Variants in TRIOBP observed in about 807,000 individuals in gnomAD.
The protein encoded by TRIOBP is TRIO and F-actin binding protein.
In TRIOBP, 169 loss-of-function variants were observed where a neutral mutation model predicts 238.8. The observed-to-expected ratio is 0.71, with a 90% CI of 0.62 to 0.80. The LOEUF (loss-of-function observed/expected upper bound fraction) is 0.80. TRIOBP is among the 30% of genes least tolerant of loss of function. The pLI, the probability that TRIOBP is intolerant of heterozygous loss-of-function variation, is 0.00. For synonymous variants in TRIOBP, 1,150 were observed against 1,274.4 expected, an observed-to-expected ratio of 0.90 and a Z score of 2.08; for missense variants, 2,838 against 3,122.6, an observed-to-expected ratio of 0.91 and a Z score of 2.17.
At chr22:37,700,089 C>G (rs1196864151) in intron 2 of TRIOBP, among the ~76,000 whole-genome samples, 1 of 151,684 alleles carries the variant, frequency 6.6e-6, no homozygotes, top group African/African-American at 2.4e-5. Flanking sequence ...GTTGGCCAGG[C>G]TGGTCTTGAA....
In TRIOBP at chr22:37,775,463, A is replaced by T. The variant is rs898842065; in HGVS notation, c.*1683A>T. On this transcript the variant is annotated 3_prime_UTR_variant, in exon 24 of 24. Transcript: ENST00000644935. ...TCTTGGGAGTGGGGTGGAGGAGGTCATCTGGGAAGGGTGTCCTTGGTCTTA... is the reference window on the plus strand; with the variant it reads ...TCTTGGGAGTGGGGTGGAGGAGGTCTTCTGGGAAGGGTGTCCTTGGTCTTA... 3 of 152,212 alleles carry T rather than the reference A, an allele frequency of 2.0e-5. No homozygotes were observed. The highest frequency in any genetic ancestry group is 4.4e-5 in the Non-Finnish European group (3 of 68,062). 9.4% of individuals were successfully genotyped at this position (152,212 alleles called of 1,614,324 possible). A position where few individuals can be genotyped will look rare whatever the true frequency, so the allele number is the denominator to read the frequency against.
At chr22:37,745,588 T>G (rs1227531035) in intron 11 of TRIOBP, among the ~76,000 whole-genome samples, 2 of 152,172 alleles carry the variant, frequency 1.3e-5, no homozygotes, top group African/African-American at 4.8e-5. Context: ...GAGTGGGCAT[T>G]TGGGAGAGAC....
At position 37,726,128 on chromosome 22, in the gene TRIOBP, C is replaced by G. The variant is rs774652028; in HGVS notation, c.3572C>G (p.Pro1191Arg). The G allele has an allele frequency of 6.4e-7, 1 of 1,553,744 alleles. No individual in the cohort carries two copies. Among genetic ancestry groups the G allele is most frequent in the Admixed American group, 1.8e-5 (1 of 56,004 alleles). The change falls in exon 7 of 24, where the codon CCC becomes CGC. Residue 1191 changes from proline to arginine, a missense_variant. By Grantham distance (103) the Pro-to-Arg change is moderately radical (BLOSUM62 -2). This residue lies in a region of TRIOBP where 2,096 missense variants were observed against 2,137.4 expected (regional missense o/e 0.98). Transcript: ENST00000644935. ...GAGCCATCCCTCTTCTTCCAGGATC[C>G]CCCTGGAACTAGTATGGAGAGCCTG... is the stretch of plus-strand genomic sequence containing the variant. ...APEPSLFFQD[P>R]PGTSMESLAP... is the part of the protein sequence containing the mutation.
intron 6 of TRIOBP, among the ~76,000 whole-genome samples, chr22:37,720,507 G>A (rs1923768894): frequency 1.3e-5 from 2 of 152,068 alleles, no homozygotes; most frequent in South Asian, 2.1e-4. Context: ...AAGGCTGGGG[G>A]CACAGCGATC....
Position 37,776,062 on chromosome 22 carries a change from C to T in TRIOBP, c.*2282C>T, listed in dbSNP as rs908642346. On this transcript the variant is annotated 3_prime_UTR_variant, in exon 24 of 24. Coordinates refer to ENST00000644935, the MANE Select transcript of TRIOBP (RefSeq NM_001039141.3). ...CCCCAAGACAGCTCTCCATCCCATC[C>T]TCTGCCTCCCTTCTAGCCTCAACCT... 2.6e-5 allele frequency: 4 copies of T among 152,290 alleles called. No individual in the cohort carries two copies. Among genetic ancestry groups the T allele is most frequent in the Admixed American group, 2.6e-4 (4 of 15,276 alleles). 9.4% of individuals were successfully genotyped at this position (152,290 alleles called of 1,614,324 possible). A position where few individuals can be genotyped will look rare whatever the true frequency, so the allele number is the denominator to read the frequency against.
At position 37,725,585 on chromosome 22, in the gene TRIOBP, C is replaced by T; in HGVS notation, c.3029C>T (p.Ser1010Phe). 1 of 1,613,946 alleles carries T rather than the reference C, an allele frequency of 6.2e-7. No individual in the cohort carries two copies. The highest frequency in any genetic ancestry group is 8.5e-7 in the Non-Finnish European group (1 of 1,179,994). ...YGAPLTSPEP[S>F]QPPCAVCIGH... ...GCTCCCCTGACCTCTCCTGAGCCCT[C>T]CCAGCCTCCATGTGCTGTGTGCATT... Residue 1010 changes from serine (S) to phenylalanine (F), a missense_variant, in exon 7 of 24, where the codon TCC becomes TTC. Coordinates refer to ENST00000644935, the MANE Select transcript of TRIOBP (RefSeq NM_001039141.3).
At chr22:37,756,303 A>G (rs912266646) in intron 15 of TRIOBP, among the ~76,000 whole-genome samples, 1 of 152,080 alleles carries the variant, frequency 6.6e-6, no homozygotes, top group Non-Finnish European at 1.5e-5. Context: ...CCTACAAAAA[A>G]TTTAAAAATC....
Position 37,757,619 on chromosome 22 carries a change from G to A in TRIOBP, c.5694G>A (p.Ser1898=), listed in dbSNP as rs751645680. ...PTSAPDVTKL[S]DSNKENALHS... ...GGCTCTGCTGGTGCCCTAGGCTCTCGGACTCTAACAAGGAGAACGCGCTGC... is the reference window on the plus strand; with the variant it reads ...GGCTCTGCTGGTGCCCTAGGCTCTCAGACTCTAACAAGGAGAACGCGCTGC... The change falls in exon 16 of 24, where the codon TCG becomes TCA. Residue 1898 remains serine (S), a synonymous_variant. Coordinates refer to ENST00000644935, the MANE Select transcript of TRIOBP (RefSeq NM_001039141.3). 6.3e-6 allele frequency: 10 copies of A among 1,583,382 alleles called. No homozygotes were observed. Among genetic ancestry groups the A allele is most frequent in the East Asian group, 2.3e-5 (1 of 43,328 alleles).
intron 3 of TRIOBP, among the ~76,000 whole-genome samples, chr22:37,706,462 G>T (rs1457841700): frequency 1.3e-5 from 2 of 152,124 alleles, no homozygotes; most frequent in African/African-American, 4.8e-5. Context: ...CCCACAGTGT[G>T]CCCCTCCTCC....
intron 5 of TRIOBP, 104 bp downstream of exon 5, chr22:37,713,515 G>A: frequency 7.1e-7 from 1 of 1,410,246 alleles, no homozygotes; most frequent in Non-Finnish European, 9.9e-7. Flanking sequence ...CTCACACCAG[G>A]GAATCCGACG....
At chr22:37,767,620 A>G (rs1410724711) in intron 18 of TRIOBP, among the ~76,000 whole-genome samples, 1 of 152,188 alleles carries the variant, frequency 6.6e-6, no homozygotes, top group Non-Finnish European at 1.5e-5. Context: ...GCAAAGTCAC[A>G]TCGGTTTATG....
intron 3 of TRIOBP, among the ~76,000 whole-genome samples, chr22:37,709,712 C>A (rs1173724704): frequency 6.6e-6 from 1 of 152,210 alleles, no homozygotes; most frequent in Non-Finnish European, 1.5e-5. Flanking sequence ...CAGCCGTTCC[C>A]CCCTGGTGAG....
chr22:37,730,423 C>T (rs545473731), intron 7 of TRIOBP, among the ~76,000 whole-genome samples: 3 of 152,246 alleles, frequency 2.0e-5, no homozygotes, highest in Admixed American at 1.3e-4. Flanking sequence ...AGCTGGAGTT[C>T]GTATGGAAAA....
intron 17 of TRIOBP, among the ~76,000 whole-genome samples, chr22:37,761,932 C>T (rs1926265373): frequency 6.6e-6 from 1 of 150,698 alleles, no homozygotes; most frequent in African/African-American, 2.4e-5. Context: ...GTGGGAGGGC[C>T]TCCGAGGCCC....
chr22:37,718,482 T>G (rs1320838921), intron 6 of TRIOBP, among the ~76,000 whole-genome samples: 2 of 147,068 alleles, frequency 1.4e-5, no homozygotes, highest in Non-Finnish European at 1.5e-5. Context: ...GATACCACTT[T>G]CACCAAGAGG....
At position 37,740,996 on chromosome 22, in the gene TRIOBP, G is replaced by T. The variant is rs894707553; in HGVS notation, c.5286G>T (p.Pro1762=). ...MPGDRPTLFN[P]FLLSLGVLRW... ...GGGACCGGCCCACGCTGTTCAATCCGTTCCTGCTGTCTCTGGGGGTCCTCA... is the reference window on the plus strand; with the variant it reads ...GGGACCGGCCCACGCTGTTCAATCCTTTCCTGCTGTCTCTGGGGGTCCTCA... The change falls in exon 11 of 24, where the codon CCG becomes CCT. Residue 1762 remains proline (P), a synonymous_variant. Coordinates refer to ENST00000644935, the MANE Select transcript of TRIOBP (RefSeq NM_001039141.3). 5.1e-6 allele frequency: 8 copies of T among 1,560,722 alleles called. No individual in the cohort carries two copies. In the African/African-American group the frequency reaches 8.1e-5, roughly 16 times the overall value.
At chr22:37,756,546 T>C (rs953998236) in intron 15 of TRIOBP, among the ~76,000 whole-genome samples, 1 of 152,228 alleles carries the variant, frequency 6.6e-6, no homozygotes, top group Admixed American at 6.5e-5. Context: ...GACTGTTATT[T>C]AGCATCTAGG....
chr22:37,710,372 GA>G, intron 3 of TRIOBP, 54 bp from the exon 4 acceptor site: 1 of 1,608,052 alleles, frequency 6.2e-7, no homozygotes. Flanking sequence ...TGTGCAGGGG[GA>G]GGGGAGCCCC....
Position 37,749,073 on chromosome 22 carries a change from G to A in TRIOBP, c.5323-2699G>A, listed in dbSNP as rs375820755. ...TTTGTTTTAAAGCCACCTGGAGACC[G>A]GGTGTAGTGGCTTATGTGTGCCTGT... On this transcript the variant is annotated intron_variant, in intron 11 of 23. Transcript: ENST00000644935. 4.1e-4 allele frequency among the ~76,000 whole-genome samples: 63 copies of A among 152,126 alleles called. No individual in the cohort carries two copies. In the South Asian group the frequency reaches 0.012, roughly 29 times the overall value.
Sources: gnomAD v4.1 joint callset for allele counts (sites outside exome capture counted in the v4.1 genomes callset) on GRCh38, gnomAD v4.1.1 for gene constraint, gnomAD v4.1.1 regional missense constraint, MANE v1.5 for transcripts, NCBI Gene and HGNC (gene_info 2026-07-23, HGNC 2026-07-21) for gene names.